The following ARHGEF11 variants were observed in gnomAD, a reference collection of about 807,000 sequenced individuals.
The protein encoded by ARHGEF11 is Rho guanine nucleotide exchange factor 11.
ARHGEF11 carries 55 observed loss-of-function variants against 193.7 expected under a neutral mutation model. That is an observed-to-expected ratio of 0.28 (90% CI 0.23 to 0.36). The LOEUF is 0.36. Ranked by LOEUF, ARHGEF11 falls within the 10% of genes least tolerant of loss-of-function variation. ARHGEF11 has a pLI of 1.00. For synonymous variants in ARHGEF11, 693 were observed against 768.0 expected (o/e 0.90, Z 1.62); for missense variants, 1,723 against 2,005.6 (o/e 0.86, Z 2.69).
At chr1:157,018,791 G>T (rs181803394) in intron 1 of ARHGEF11, among the ~76,000 whole-genome samples, 1 of 152,240 alleles carries the variant, frequency 6.6e-6, no homozygotes. Context: ...TTTTGATATA[G>T]ATCAGTGGAA....
intron 1 of ARHGEF11, among the ~76,000 whole-genome samples, chr1:157,024,761 T>C (rs1670441118): frequency 6.6e-6 from 1 of 152,132 alleles, no homozygotes; most frequent in African/African-American, 2.4e-5. Context: ...ACCTATCTTT[T>C]TCCACAGTTA....
intron 1 of ARHGEF11, among the ~76,000 whole-genome samples, chr1:157,036,410 C>T (rs1672055576): frequency 6.6e-6 from 1 of 151,896 alleles, no homozygotes; most frequent in South Asian, 2.1e-4. Flanking sequence ...CAACCTCTGT[C>T]TCCCGGGTTC....
rs758208446 is a variant in ARHGEF11, at chr1:156,958,832, T to C, written c.1412A>G (p.Tyr471Cys). The change falls in exon 17 of 41, where the codon TAT becomes TGT. Residue 471 changes from tyrosine to cysteine, a missense_variant. Around this residue, in one of 5 missense-constraint regions of ARHGEF11, gnomAD observed 646 missense variants for 710.7 expected, o/e 0.91. Transcript: ENST00000368194. ...CAGGTCCAGCAGGTCATTTTCACCA[T>C]ACAGGCTGCCCAGCCCCAGTGTGCG... ...TKRTLGLGSL[Y>C]GENDLLDLDG... 6.2e-7 allele frequency: 1 copy of C among 1,614,164 alleles called. No individual in the cohort carries two copies. Among genetic ancestry groups the C allele is most frequent in the Non-Finnish European group, 8.5e-7 (1 of 1,180,034 alleles).
chr1:156,957,690 CAT>C, intron 18 of ARHGEF11, 100 bp downstream of exon 18: 1 of 1,294,912 alleles, frequency 7.7e-7, no homozygotes. Flanking sequence ...GGTTGTACAA[CAT>C]GAGGGACTCC....
At chr1:156,955,874 T>C in intron 19 of ARHGEF11, 75 bp from the exon 20 acceptor site, 1 of 1,153,396 alleles carries the variant, frequency 8.7e-7, no homozygotes, top group Non-Finnish European at 1.3e-6. Context: ...ATTCTGCCAC[T>C]GTCCCCCAAG....
rs1044188684 is a variant in ARHGEF11, at chr1:157,043,106, G to A, written c.32+1193C>T. 3.3e-5 allele frequency among the ~76,000 whole-genome samples: 5 copies of A among 152,324 alleles called. No individual in the cohort carries two copies. The South Asian group carries it at 1.0e-3, about 32-fold the overall frequency. ...GCAATACAGAGATTAGTGCTTGAGAGAGAGAGATTATATGCATTTTAGGCC... is the reference window on the plus strand; with the variant it reads ...GCAATACAGAGATTAGTGCTTGAGAAAGAGAGATTATATGCATTTTAGGCC... On this transcript the variant is annotated intron_variant, in intron 1 of 40. Transcript: ENST00000368194.
At chr1:156,945,326 G>A in intron 29 of ARHGEF11, 129 bp from the exon 30 acceptor site, 1 of 987,858 alleles carries the variant, frequency 1.0e-6, no homozygotes, top group East Asian at 2.5e-5. Flanking sequence ...GTGGAGGGGA[G>A]CCACCCTTGC....
Position 156,957,782 on chromosome 1 carries a change from A to C in ARHGEF11, c.1526+10T>G. On this transcript the variant is annotated intron_variant, in intron 18 of 40. Transcript: ENST00000368194. ...TGAAAGCTGCAAATCCACATCATAG[A>C]CTTGCTTACCTCCTGTCTTCCTCAT... 1.1e-5 allele frequency: 18 copies of C among 1,614,012 alleles called. No homozygotes were observed. The highest frequency in any genetic ancestry group is 1.5e-5 in the Non-Finnish European group (18 of 1,179,890).
chr1:156,941,010 G>A (rs1656760917), intron 35 of ARHGEF11, among the ~76,000 whole-genome samples: 1 of 152,150 alleles, frequency 6.6e-6, no homozygotes, highest in South Asian at 2.1e-4. Context: ...GCCCCGCCAT[G>A]TTTTCCATTC....
intron 32 of ARHGEF11, 38 bp from the exon 33 acceptor site, chr1:156,942,818 G>C (rs1366171161): frequency 6.3e-7 from 1 of 1,576,900 alleles, no homozygotes; most frequent in Admixed American, 1.7e-5. Flanking sequence ...TCTGTACTAG[G>C]GATGGCAGGT....
At position 156,945,182 on chromosome 1, in the gene ARHGEF11, T is replaced by C; in HGVS notation, c.2828A>G (p.His943Arg). Residue 943 changes from histidine (H) to arginine (R), a missense_variant, in exon 30 of 41, where the codon CAT becomes CGT. This residue lies in a region of ARHGEF11 where 491 missense variants were observed against 654.5 expected (regional missense o/e 0.75). Transcript: ENST00000368194. ...IKHTEGGTSE[H>R]EKLCRARDQC... is the part of the protein sequence containing the mutation. ...GTCCCGGGCCCGGCACAGCTTCTCATGCTCAGAGGTGCCACCTACCAAAAT... is the reference window on the plus strand; with the variant it reads ...GTCCCGGGCCCGGCACAGCTTCTCACGCTCAGAGGTGCCACCTACCAAAAT... 6.2e-7 allele frequency: 1 copy of C among 1,613,890 alleles called. No homozygotes were observed. The highest frequency in any genetic ancestry group is 8.5e-7 in the Non-Finnish European group (1 of 1,179,858).
intron 3 of ARHGEF11, 126 bp downstream of exon 3, chr1:156,984,201 CCCCACGCACCCA>C: frequency 6.6e-6 from 4 of 610,314 alleles, no homozygotes; most frequent in Non-Finnish European, 1.1e-5. Flanking sequence ...GAAGAGGCTT[CCCCACGCACCCA>C]TGGAGAACCA....
chr1:157,037,889 C>T (rs942375441), intron 1 of ARHGEF11, among the ~76,000 whole-genome samples: 9 of 151,560 alleles, frequency 5.9e-5, no homozygotes, highest in African/African-American at 1.9e-4. Context: ...AAAAGTATAC[C>T]GGGTGTGGTG....
At chr1:156,942,852 GAC>G in intron 32 of ARHGEF11, 72 bp from the exon 33 acceptor site, 1 of 1,251,820 alleles carries the variant, frequency 8.0e-7, no homozygotes, top group Non-Finnish European at 1.2e-6. Flanking sequence ...GGGCCAGGGT[GAC>G]AGAGTGGGAC....
At position 156,941,849 on chromosome 1, in the gene ARHGEF11, G is replaced by A. The variant is rs1034337581; in HGVS notation, c.3452+15C>T. 1.3e-6 allele frequency: 2 copies of A among 1,599,850 alleles called. No homozygotes were observed. The highest frequency in any genetic ancestry group is 2.7e-5 in the African/African-American group (2 of 74,708). On this transcript the variant is annotated intron_variant, in intron 34 of 40. Coordinates refer to ENST00000368194, the MANE Select transcript of ARHGEF11 (RefSeq NM_198236.3). ...AGTGGAGAGAGTGCAGGGTCTGGAG[G>A]GCTAAGCACTGCACCTGCTGGGTGT...
chr1:156,988,788 C>G (rs1005429098), intron 1 of ARHGEF11, among the ~76,000 whole-genome samples: 2 of 152,094 alleles, frequency 1.3e-5, no homozygotes, highest in African/African-American at 4.8e-5. Flanking sequence ...AGTATACTTG[C>G]AACAGATGCA....
chr1:156,961,096 C>T (rs960807792), intron 14 of ARHGEF11, among the ~76,000 whole-genome samples: 2 of 152,258 alleles, frequency 1.3e-5, no homozygotes, highest in Middle Eastern at 3.2e-3. Context: ...TGGAATTAGT[C>T]TAGTTGATCA....
chr1:156,968,292 A>G (rs925650448), intron 10 of ARHGEF11, among the ~76,000 whole-genome samples, 168 bp from the exon 11 acceptor site: 1 of 152,098 alleles, frequency 6.6e-6, no homozygotes, highest in African/African-American at 2.4e-5. Context: ...ACATTATCTC[A>G]TTCGATTCAC....
chr1:157,011,549 C>T (rs1255541939), intron 1 of ARHGEF11, among the ~76,000 whole-genome samples: 1 of 152,074 alleles, frequency 6.6e-6, no homozygotes, highest in Non-Finnish European at 1.5e-5. Context: ...GAAAAGACAG[C>T]CCAGAGGATG....
Sources: gnomAD v4.1 joint callset for allele counts (sites outside exome capture counted in the v4.1 genomes callset) on GRCh38, gnomAD v4.1.1 for gene constraint, gnomAD v4.1.1 regional missense constraint, MANE v1.5 for transcripts, NCBI Gene and HGNC (gene_info 2026-07-23, HGNC 2026-07-21) for gene names.